Variants in PLD5 observed in about 807,000 individuals in gnomAD.
The protein encoded by PLD5 is phospholipase D family member 5.
In PLD5, 36 loss-of-function variants were observed where a neutral mutation model predicts 61.1. The observed-to-expected ratio is 0.59, with a 90% CI of 0.45 to 0.78. The LOEUF (loss-of-function observed/expected upper bound fraction) is 0.78, where lower values mean the gene tolerates loss of function less well. Among genes scored for constraint, PLD5 ranks in the 30% least tolerant of loss-of-function variants. The pLI is 0.00. For missense variants in PLD5, 515 were observed against 644.4 expected, an observed-to-expected ratio of 0.80 and a Z score of 2.17; for synonymous variants, 243 against 242.8, an observed-to-expected ratio of 1.00 and a Z score of -0.01.
intron 5 of PLD5, among the ~76,000 whole-genome samples, chr1:242,126,503 C>T (rs1023442836): frequency 6.6e-6 from 1 of 152,106 alleles, no homozygotes; most frequent in Non-Finnish European, 1.5e-5. Context: ...CAGAAATAAG[C>T]CCAAATACTT....
At chr1:242,299,164 G>A (rs184803260) in intron 2 of PLD5, among the ~76,000 whole-genome samples, 2 of 152,162 alleles carry the variant, frequency 1.3e-5, no homozygotes, top group Non-Finnish European at 2.9e-5. Context: ...TAGGTAGATA[G>A]GAGTATCCAT....
At chr1:242,449,589 C>G in intron 1 of PLD5, 1 of 1,317,386 alleles carries the variant, frequency 7.6e-7, no homozygotes, top group South Asian at 1.6e-5. Flanking sequence ...AGAATTTCCC[C>G]TAGAATGTGC....
Position 242,394,374 on chromosome 1 carries a change from ATATGTGTGTATATATGAGTATATATG to A in PLD5, c.190-46158_190-46133del, listed in dbSNP as rs1472080316. Among the ~76,000 whole-genome samples the A allele has an allele frequency of 1.4e-4, 14 of 102,526 alleles. 2 individuals carry two copies. The highest frequency in any genetic ancestry group is 5.1e-4 in the African/African-American group (13 of 25,382). 67.3% of individuals were successfully genotyped at this position (102,526 alleles called of 152,430 possible). ...TATATATGTGTGTATATATGAGTAT[ATATGTGTGTATATATGAGTATATATG>A]TGTGTATATATGAGTATATATGTGT... On this transcript the variant is annotated intron_variant, in intron 1 of 9. Coordinates refer to ENST00000536534, the MANE Select transcript of PLD5 (RefSeq NM_001372062.1).
chr1:242,172,968 C>A (rs1666857539), intron 5 of PLD5, among the ~76,000 whole-genome samples: 1 of 152,112 alleles, frequency 6.6e-6, no homozygotes, highest in Admixed American at 6.6e-5. Flanking sequence ...GGAGCTGGTA[C>A]CATTCCTTCT....
At chr1:242,460,958 G>GGTGAAACCCCATC (rs2102937107) in intron 1 of PLD5, among the ~76,000 whole-genome samples, 1 of 152,084 alleles carries the variant, frequency 6.6e-6, no homozygotes, top group African/African-American at 2.4e-5. Flanking sequence ...TGGGCAAGGT[G>GGTGAAACCCCATC]GTGAAACCCC....
chr1:242,121,769 G>T (rs1662381019), intron 6 of PLD5, among the ~76,000 whole-genome samples: 2 of 152,010 alleles, frequency 1.3e-5, no homozygotes, highest in Non-Finnish European at 2.9e-5. Context: ...CCATAAAAAA[G>T]GATGAGTTCA....
At chr1:242,304,495 T>C (rs1295406340) in intron 2 of PLD5, among the ~76,000 whole-genome samples, 1 of 152,230 alleles carries the variant, frequency 6.6e-6, no homozygotes, top group East Asian at 1.9e-4. Context: ...GAGACAATTC[T>C]GTAATGAGTG....
chr1:242,353,888 AT>A (rs767932386), intron 1 of PLD5, among the ~76,000 whole-genome samples: 7 of 151,802 alleles, frequency 4.6e-5, no homozygotes, highest in Non-Finnish European at 8.8e-5. Flanking sequence ...AAATGGGATT[AT>A]TCTCTCGATT....
chr1:242,267,384 G>C (rs1673750739), intron 3 of PLD5, among the ~76,000 whole-genome samples: 1 of 152,174 alleles, frequency 6.6e-6, no homozygotes, highest in African/African-American at 2.4e-5. Context: ...TTGGACAACA[G>C]AGTGGAAGTT....
At chr1:242,514,833 T>G (rs983442920) in intron 1 of PLD5, among the ~76,000 whole-genome samples, 1 of 151,200 alleles carries the variant, frequency 6.6e-6, no homozygotes, top group South Asian at 2.1e-4. Context: ...CAGGGAGAGG[T>G]GACAAGCAGC....
Position 242,524,674 on chromosome 1 carries a change from C to A in PLD5, c.-398G>T, listed in dbSNP as rs1390124540. 2 of 146,862 alleles carry A rather than the reference C, an allele frequency of 1.4e-5. No homozygotes were observed. Among genetic ancestry groups the A allele is most frequent in the South Asian group, 2.0e-4 (1 of 4,970 alleles). The allele number at this position is 146,862 out of a possible 1,614,324, so 9.1% of individuals were successfully genotyped here. A position where few individuals can be genotyped will look rare whatever the true frequency, so the allele number is the denominator to read the frequency against. Reference sequence around the variant, plus strand: ...TGCGGTCCCGAGCGGGCGCTCCGCTCGCCGGCTCCTTGCGGCACCTACTGG... The same window carrying A: ...TGCGGTCCCGAGCGGGCGCTCCGCTAGCCGGCTCCTTGCGGCACCTACTGG... On this transcript the variant is annotated 5_prime_UTR_variant, in exon 1 of 10. Transcript: ENST00000536534.
intron 5 of PLD5, among the ~76,000 whole-genome samples, chr1:242,201,924 T>C (rs1014164369): frequency 9.2e-5 from 14 of 152,200 alleles, no homozygotes; most frequent in Non-Finnish European, 1.0e-4. Context: ...ACATAAAAAG[T>C]GTGTGTGTGG....
At chr1:242,441,251 C>A (rs1329255736) in intron 1 of PLD5, among the ~76,000 whole-genome samples, 1 of 151,974 alleles carries the variant, frequency 6.6e-6, no homozygotes, top group Non-Finnish European at 1.5e-5. Flanking sequence ...ATGCAGGATA[C>A]TATGAGTATA....
chr1:242,215,797 T>C (rs1048768106), intron 5 of PLD5, among the ~76,000 whole-genome samples: 1 of 152,228 alleles, frequency 6.6e-6, no homozygotes, highest in Non-Finnish European at 1.5e-5. Flanking sequence ...GTCAGAAGAC[T>C]GAGCGAATCC....
At chr1:242,512,113 A>T (rs569153323) in intron 1 of PLD5, among the ~76,000 whole-genome samples, 2 of 152,142 alleles carry the variant, frequency 1.3e-5, no homozygotes, top group African/African-American at 4.8e-5. Context: ...GGCCTTTAAG[A>T]GTATTTTGGT....
At chr1:242,257,141 T>G (rs556791127) in intron 4 of PLD5, among the ~76,000 whole-genome samples, 1 of 152,250 alleles carries the variant, frequency 6.6e-6, no homozygotes, top group East Asian at 1.9e-4. Flanking sequence ...TCTACCTACC[T>G]TCTATCTATG....
Position 242,183,786 on chromosome 1 carries a change from G to C in PLD5, c.735+36202C>G, listed in dbSNP as rs183937687. 4.7e-4 allele frequency among the ~76,000 whole-genome samples: 56 copies of C among 118,334 alleles called. No homozygotes were observed. The East Asian group carries it at 0.011, about 23-fold the overall frequency. 77.6% of individuals were successfully genotyped at this position (118,334 alleles called of 152,430 possible). ...GCGGGCCCCTGTAGTCCCAGCTACT[G>C]GGGAGGTCTGAGGCAGTAGAATGGC... On this transcript the variant is annotated intron_variant, in intron 5 of 9. Coordinates refer to ENST00000536534, the MANE Select transcript of PLD5 (RefSeq NM_001372062.1).
intron 2 of PLD5, among the ~76,000 whole-genome samples, chr1:242,334,536 T>C (rs1450195335): frequency 6.6e-6 from 1 of 152,294 alleles, no homozygotes; most frequent in Non-Finnish European, 1.5e-5. Flanking sequence ...GCAGACATCG[T>C]GGCATCCCTC....
intron 2 of PLD5, among the ~76,000 whole-genome samples, chr1:242,294,600 C>T (rs558311787): frequency 1.3e-5 from 2 of 152,168 alleles, no homozygotes; most frequent in Non-Finnish European, 2.9e-5. Flanking sequence ...GTAGACAAAA[C>T]ACAGCTCTGC....
Sources: allele counts gnomAD v4.1 joint callset (sites outside exome capture counted in the v4.1 genomes callset), GRCh38; gene constraint gnomAD v4.1.1; transcripts MANE v1.5; gene names NCBI Gene and HGNC (gene_info 2026-07-23, HGNC 2026-07-21).